Variants in NRP1 observed in about 807,000 individuals in gnomAD.
The protein encoded by NRP1 is neuropilin-1.
In NRP1, 35 loss-of-function variants were observed where a neutral mutation model predicts 106.7. The observed-to-expected ratio is 0.33, with a 90% CI of 0.25 to 0.43. The LOEUF (loss-of-function observed/expected upper bound fraction) is 0.43. Ranked by LOEUF, NRP1 falls within the 20% of genes least tolerant of loss-of-function variation. NRP1 has a pLI of 1.00. For synonymous variants in NRP1, 437 were observed against 417.9 expected (o/e 1.05, Z -0.56); for missense variants, 1,024 against 1,170.4 (o/e 0.87, Z 1.83).
In NRP1 at chr10:33,268,962, G is replaced by A. The variant is rs186927996; in HGVS notation, c.430+1713C>T. Among the ~76,000 whole-genome samples, 161 of 152,272 alleles carry A rather than the reference G, an allele frequency of 1.1e-3. 2 individuals carry two copies. In the East Asian group the frequency reaches 0.024, roughly 22 times the overall value. On this transcript the variant is annotated intron_variant, in intron 3 of 16. Transcript: ENST00000374867. ...GAGCCAAATATCTTTGAAATGTAAA[G>A]AAGTTGTCGCAACGTTTCCTGGATC...
chr10:33,234,908 G>A (rs1375130874), intron 6 of NRP1, among the ~76,000 whole-genome samples: 1 of 152,124 alleles, frequency 6.6e-6, no homozygotes, highest in African/African-American at 2.4e-5. Context: ...ACAGCACAGG[G>A]GCAGTGGAAG....
chr10:33,199,976 C>T (rs1837152187), intron 11 of NRP1, among the ~76,000 whole-genome samples: 1 of 152,206 alleles, frequency 6.6e-6, no homozygotes, highest in Non-Finnish European at 1.5e-5. Context: ...AGCACCAAGT[C>T]ATGGTACCTC....
At chr10:33,306,147 C>G (rs942725913) in intron 2 of NRP1, among the ~76,000 whole-genome samples, 1 of 152,140 alleles carries the variant, frequency 6.6e-6, no homozygotes, top group African/African-American at 2.4e-5. Context: ...TTTGCAAAGG[C>G]TAAATCCATT....
intron 2 of NRP1, among the ~76,000 whole-genome samples, chr10:33,294,139 A>G (rs1331608858): frequency 1.3e-5 from 2 of 152,204 alleles, no homozygotes; most frequent in Non-Finnish European, 2.9e-5. Flanking sequence ...TTTCAAGTGC[A>G]TGTGCAGTTT....
chr10:33,225,130 T>C (rs1459341021), intron 7 of NRP1, among the ~76,000 whole-genome samples: 1 of 152,168 alleles, frequency 6.6e-6, no homozygotes, highest in African/African-American at 2.4e-5. Flanking sequence ...TGCCTGCCCA[T>C]AGCATTTTCC....
chr10:33,269,299 C>T (rs1274617524), intron 3 of NRP1, among the ~76,000 whole-genome samples: 3 of 152,094 alleles, frequency 2.0e-5, no homozygotes, highest in South Asian at 2.1e-4. Context: ...ATTATTTTTA[C>T]ATTTATATTT....
intron 10 of NRP1, 57 bp from the exon 11 acceptor site, chr10:33,203,052 C>T (rs1837470831): frequency 6.5e-7 from 1 of 1,538,634 alleles, no homozygotes; most frequent in African/African-American, 1.4e-5. Flanking sequence ...TCTCAAGCCT[C>T]TGGCTGTTGG....
chr10:33,246,845 C>T (rs1474789058), intron 6 of NRP1, among the ~76,000 whole-genome samples: 1 of 152,152 alleles, frequency 6.6e-6, no homozygotes, highest in East Asian at 1.9e-4. Context: ...AGAGTGTTTA[C>T]AATCAGGATA....
intron 6 of NRP1, among the ~76,000 whole-genome samples, chr10:33,249,703 G>A (rs1841707839): frequency 6.6e-6 from 1 of 152,188 alleles, no homozygotes; most frequent in South Asian, 2.1e-4. Flanking sequence ...CTGACAATGA[G>A]GAAATTTTAG....
chr10:33,322,226 C>T (rs1298775789), intron 2 of NRP1, among the ~76,000 whole-genome samples: 1 of 152,102 alleles, frequency 6.6e-6, no homozygotes, highest in East Asian at 1.9e-4. Flanking sequence ...CAGATCAAAC[C>T]CATGTGTGGC....
chr10:33,253,645 A>G (rs905494101), intron 6 of NRP1, among the ~76,000 whole-genome samples: 1 of 152,234 alleles, frequency 6.6e-6, no homozygotes, highest in Non-Finnish European at 1.5e-5. Context: ...CATCCAGGAA[A>G]TAAAAACATG....
intron 6 of NRP1, among the ~76,000 whole-genome samples, chr10:33,236,866 T>C (rs1236173306): frequency 1.3e-5 from 2 of 152,218 alleles, no homozygotes; most frequent in East Asian, 1.9e-4. Flanking sequence ...TGTCAGGTAT[T>C]GTACTAAGTG....
At chr10:33,254,773 A>G (rs1842088664) in intron 5 of NRP1, among the ~76,000 whole-genome samples, 1 of 152,172 alleles carries the variant, frequency 6.6e-6, no homozygotes, top group Non-Finnish European at 1.5e-5. Flanking sequence ...ATCAAAACAC[A>G]GTTATGCATT....
intron 2 of NRP1, among the ~76,000 whole-genome samples, chr10:33,315,830 G>C (rs1846990637): frequency 6.6e-6 from 1 of 152,188 alleles, no homozygotes; most frequent in Non-Finnish European, 1.5e-5. Flanking sequence ...GGAGTCTCAG[G>C]TGTGTAAAGG....
chr10:33,257,149 C>T (rs2133198385), intron 4 of NRP1, among the ~76,000 whole-genome samples: 1 of 152,300 alleles, frequency 6.6e-6, no homozygotes. Context: ...ATAATGGCAA[C>T]TTATAATCTA....
At chr10:33,208,593 C>T (rs1838012986) in intron 9 of NRP1, among the ~76,000 whole-genome samples, 1 of 152,118 alleles carries the variant, frequency 6.6e-6, no homozygotes, top group Admixed American at 6.5e-5. Context: ...AATCCCATTC[C>T]AAATGGGAGA....
intron 2 of NRP1, among the ~76,000 whole-genome samples, chr10:33,300,387 C>T (rs1845718321): frequency 6.6e-6 from 1 of 152,206 alleles, no homozygotes; most frequent in Non-Finnish European, 1.5e-5. Context: ...GTCACTGCAT[C>T]AGGTGGGAGC....
intron 2 of NRP1, among the ~76,000 whole-genome samples, chr10:33,319,939 C>G (rs1034147739): frequency 6.6e-6 from 1 of 152,106 alleles, no homozygotes; most frequent in African/African-American, 2.4e-5. Flanking sequence ...GTCCCCAGTT[C>G]CGTTCTTGGT....
chr10:33,274,727 A>C (rs1300796212), intron 2 of NRP1, among the ~76,000 whole-genome samples: 1 of 152,164 alleles, frequency 6.6e-6, no homozygotes, highest in Non-Finnish European at 1.5e-5. Flanking sequence ...ACATTCTCAC[A>C]TTATTAGGAA....
Sources: allele counts gnomAD v4.1 joint callset (sites outside exome capture counted in the v4.1 genomes callset), GRCh38; gene constraint gnomAD v4.1.1; transcripts MANE v1.5; gene names NCBI Gene and HGNC (gene_info 2026-07-23, HGNC 2026-07-21).